The following LUC7L variants were observed in gnomAD, a reference collection of about 807,000 sequenced individuals.
LUC7L encodes putative RNA-binding protein Luc7-like 1.
A neutral mutation model predicts 51.1 loss-of-function variants in LUC7L; 29 were observed. The ratio of observed to expected loss-of-function variants is 0.57; its 90% CI spans 0.42 to 0.77. The LOEUF (loss-of-function observed/expected upper bound fraction) is 0.77, where lower values mean the gene tolerates loss of function less well. Among genes scored for constraint, LUC7L ranks in the 30% least tolerant of loss-of-function variants. LUC7L has a pLI of 0.00. For synonymous variants in LUC7L, 181 were observed against 180.7 expected (o/e 1.00, Z -0.01); for missense variants, 403 against 511.9 (o/e 0.79, Z 2.05).
intron 5 of LUC7L, 67 bp from the exon 6 acceptor site, chr16:199,305 A>G: frequency 9.8e-7 from 1 of 1,022,270 alleles, no homozygotes; most frequent in Non-Finnish European, 1.4e-6. Context: ...TCAATCTCCA[A>G]AATGAAAATA....
intron 1 of LUC7L, chr16:228,253 A>G (rs750962849): frequency 6.2e-6 from 8 of 1,298,232 alleles, no homozygotes; most frequent in Non-Finnish European, 7.1e-6. Context: ...TTTTCTTTCT[A>G]AACTACACTT....
chr16:204,882 A>G (rs1287256087), intron 5 of LUC7L, among the ~76,000 whole-genome samples: 1 of 152,130 alleles, frequency 6.6e-6, no homozygotes, highest in African/African-American at 2.4e-5. Flanking sequence ...ATTGCACTAA[A>G]CACGATGAAA....
In LUC7L at chr16:189,342, G is replaced by A; in HGVS notation, c.975-3C>T. Reference sequence around the variant, plus strand: ...TGGATGCCCGCTCTCTGGAGAACCTGGGAAATGGGAACCAGAGGCTCAGTG... The same window carrying A: ...TGGATGCCCGCTCTCTGGAGAACCTAGGAAATGGGAACCAGAGGCTCAGTG... On this transcript the variant is annotated splice_polypyrimidine_tract_variant and splice_region_variant and intron_variant, in intron 9 of 9. Transcript: ENST00000293872. 1 of 1,605,672 alleles carries A rather than the reference G, an allele frequency of 6.2e-7. No homozygotes were observed. Among genetic ancestry groups the A allele is most frequent in the Admixed American group, 1.7e-5 (1 of 59,548 alleles).
At chr16:195,102 A>G (rs1567173699) in intron 6 of LUC7L, among the ~76,000 whole-genome samples, 3 of 152,186 alleles carry the variant, frequency 2.0e-5, no homozygotes, top group South Asian at 2.1e-4. Context: ...AGCAGGGCAC[A>G]CATGGATGGA....
intron 6 of LUC7L, among the ~76,000 whole-genome samples, chr16:195,485 G>A (rs139116490): frequency 5.9e-5 from 9 of 152,022 alleles, no homozygotes; most frequent in African/African-American, 1.7e-4. Context: ...GTGTAGTGTC[G>A]TGATCACAGT....
At chr16:224,719 G>T (rs967235768) in intron 2 of LUC7L, among the ~76,000 whole-genome samples, 13 of 151,952 alleles carry the variant, frequency 8.6e-5, no homozygotes, top group Admixed American at 8.5e-4. Context: ...TATAATCCCA[G>T]CTACTCAGGA....
chr16:212,183 C>T (rs2049662686), intron 3 of LUC7L, among the ~76,000 whole-genome samples: 1 of 152,156 alleles, frequency 6.6e-6, no homozygotes, highest in Non-Finnish European at 1.5e-5. Flanking sequence ...ATCCCAACTA[C>T]TCAGGAGGCT....
chr16:192,485 A>C (rs1596592952), intron 7 of LUC7L, among the ~76,000 whole-genome samples: 1 of 145,982 alleles, frequency 6.9e-6, no homozygotes, highest in African/African-American at 2.5e-5. Context: ...GTTTTGTTGG[A>C]CTGAATATGC....
At position 224,549 on chromosome 16, in the gene LUC7L, G is replaced by A. The variant is rs188213710; in HGVS notation, c.156+2693C>T. 9.5e-4 allele frequency among the ~76,000 whole-genome samples: 143 copies of A among 151,096 alleles called. 1 individual carries two copies. Among genetic ancestry groups the A allele is most frequent in the African/African-American group, 2.8e-3 (115 of 41,100 alleles). On this transcript the variant is annotated intron_variant, in intron 2 of 9. Transcript: ENST00000293872. ...TAAAAAAAAAAGAAAACCTCATGAG[G>A]CCAGGCGCGGTGGCTCATGCCTGTA...
chr16:226,682 C>G (rs915967755), intron 2 of LUC7L, among the ~76,000 whole-genome samples: 2 of 152,298 alleles, frequency 1.3e-5, no homozygotes, highest in East Asian at 3.9e-4. Flanking sequence ...AACAAACCCA[C>G]GCAGAATCTT....
chr16:222,084 A>T (rs556061693), intron 2 of LUC7L, among the ~76,000 whole-genome samples: 33 of 152,330 alleles, frequency 2.2e-4, no homozygotes, highest in African/African-American at 7.9e-4. Flanking sequence ...TGTCAGTAAG[A>T]ACAGCATGAT....
intron 3 of LUC7L, among the ~76,000 whole-genome samples, chr16:218,190 T>A (rs1228108928): frequency 6.7e-6 from 1 of 150,246 alleles, no homozygotes; most frequent in Non-Finnish European, 1.5e-5. Context: ...TGACACTCCG[T>A]CTCAAAAAAA....
At chr16:217,876 T>C (rs538409826) in intron 3 of LUC7L, among the ~76,000 whole-genome samples, 1 of 151,726 alleles carries the variant, frequency 6.6e-6, no homozygotes, top group South Asian at 2.1e-4. Flanking sequence ...TCATCTCTAC[T>C]AAAAATATAA....
At position 201,672 on chromosome 16, in the gene LUC7L, C is replaced by T. The variant is rs536166895; in HGVS notation, c.511-2434G>A. Among the ~76,000 whole-genome samples, 10 of 151,612 alleles carry T rather than the reference C, an allele frequency of 6.6e-5. No individual in the cohort carries two copies. The South Asian group carries it at 2.1e-3, about 32-fold the overall frequency. On this transcript the variant is annotated intron_variant, in intron 5 of 9. Transcript: ENST00000293872. ...GCCAGGATGGTCTCGATCTCCTGAC[C>T]TCGTGATCCACCCGCCTCAGCCTCC...
chr16:212,202 A>G (rs949117883), intron 3 of LUC7L, among the ~76,000 whole-genome samples: 1 of 152,200 alleles, frequency 6.6e-6, no homozygotes, highest in African/African-American at 2.4e-5. Flanking sequence ...CTGAGGCAGG[A>G]GAATCACTTG....
chr16:208,222 G>T (rs769560899), intron 3 of LUC7L, 34 bp from the exon 4 acceptor site: 1 of 1,455,886 alleles, frequency 6.9e-7, no homozygotes, highest in Non-Finnish European at 9.6e-7. Flanking sequence ...TATAATCAAT[G>T]ATGTGTAAAG....
At chr16:223,471 G>A (rs1255327979) in intron 2 of LUC7L, among the ~76,000 whole-genome samples, 2 of 152,192 alleles carry the variant, frequency 1.3e-5, no homozygotes, top group African/African-American at 4.8e-5. Flanking sequence ...CAACGGGTCT[G>A]CCTTGTATGG....
In LUC7L at chr16:190,480, T is replaced by G; in HGVS notation, c.806+61A>C. 3 of 1,530,690 alleles carry G rather than the reference T, an allele frequency of 2.0e-6. No homozygotes were observed. In the Admixed American group the frequency reaches 5.0e-5, roughly 26 times the overall value. 94.8% of individuals were successfully genotyped at this position (1,530,690 alleles called of 1,614,324 possible). ...TTTGTAAAGGCATAATCATTAAATA[T>G]TAAGAAAAATGCTTATGGAAAAAAA... On this transcript the variant is annotated intron_variant, in intron 8 of 9. Coordinates refer to ENST00000293872, the MANE Select transcript of LUC7L (RefSeq NM_201412.3).
intron 7 of LUC7L, 39 bp from the exon 8 acceptor site, chr16:190,609 G>A (rs371329811): frequency 1.9e-6 from 3 of 1,603,524 alleles, no homozygotes; most frequent in East Asian, 2.2e-5. Flanking sequence ...GCCAGGCATG[G>A]TGGCTCACAC....
Sources: gnomAD v4.1 joint callset for allele counts (sites outside exome capture counted in the v4.1 genomes callset) on GRCh38, gnomAD v4.1.1 for gene constraint, MANE v1.5 for transcripts, NCBI Gene and HGNC (gene_info 2026-07-23, HGNC 2026-07-21) for gene names.